IL1RAPL2: variants seen among roughly 807,000 people sequenced by gnomAD.
IL1RAPL2 encodes X-linked interleukin-1 receptor accessory protein-like 2.
Under a neutral mutation model 44.1 loss-of-function variants are expected in IL1RAPL2, and 3 were observed. That is an observed-to-expected ratio of 0.07 (90% CI 0.03 to 0.18). The LOEUF is 0.18. Ranked by LOEUF, IL1RAPL2 falls within the 10% of genes least tolerant of loss-of-function variation. The pLI is 1.00. For missense variants in IL1RAPL2, 391 were observed against 496.4 expected (o/e 0.79, Z 2.02); for synonymous variants, 181 against 178.8 (o/e 1.01, Z -0.10).
At chrX:104,631,690 GT>G in intron 1 of IL1RAPL2, among the ~76,000 whole-genome samples, 1 of 111,705 alleles carries the variant, frequency 9.0e-6, no homozygotes. Context: ...GGGGTTGTTT[GT>G]TTTTTTCTTG....
In IL1RAPL2 at chrX:105,687,325, C is replaced by T. The variant is rs1253602118; in HGVS notation, c.773-30042C>T. 8.3e-5 allele frequency among the ~76,000 whole-genome samples: 9 copies of T among 109,064 alleles called. No homozygotes were observed. In the Admixed American group the frequency reaches 8.8e-4, roughly 11 times the overall value. 94.7% of individuals were successfully genotyped at this position (109,064 alleles called of 115,157 possible). The stretch of plus-strand genomic sequence containing the variant: ...GGAAAGATCAACAAAATTGATAGAC[C>T]GCTAGCAAGACAAATAAAGAAGAAA... On this transcript the variant is annotated intron_variant, in intron 6 of 10. Coordinates refer to ENST00000372582, the MANE Select transcript of IL1RAPL2 (RefSeq NM_017416.2).
At chrX:105,470,842 G>A (rs181775379) in intron 5 of IL1RAPL2, among the ~76,000 whole-genome samples, 2 of 111,625 alleles carry the variant, frequency 1.8e-5, no homozygotes, top group East Asian at 5.7e-4. Context: ...TTTTTGAAGT[G>A]AGTGAGTCTT....
At chrX:105,394,792 C>G (rs1208199626) in intron 5 of IL1RAPL2, among the ~76,000 whole-genome samples, 2 of 111,212 alleles carry the variant, frequency 1.8e-5, no homozygotes, top group Non-Finnish European at 3.8e-5. Flanking sequence ...AAGCTATGCT[C>G]ATTCCTACAT....
intron 6 of IL1RAPL2, among the ~76,000 whole-genome samples, chrX:105,704,172 T>C (rs2038143481): frequency 8.9e-6 from 1 of 112,027 alleles, no homozygotes; most frequent in African/African-American, 3.2e-5. Flanking sequence ...ACAAATTGTA[T>C]GTGCAAGTCT....
At chrX:104,862,792 A>T (rs1456061514) in intron 2 of IL1RAPL2, among the ~76,000 whole-genome samples, 1 of 112,082 alleles carries the variant, frequency 8.9e-6, no homozygotes, top group Non-Finnish European at 1.9e-5. Flanking sequence ...GTGTTCATTT[A>T]CTTAGAGTTT....
chrX:105,350,043 C>T (rs181834864), intron 5 of IL1RAPL2, among the ~76,000 whole-genome samples: 1 of 112,044 alleles, frequency 8.9e-6, no homozygotes, highest in Non-Finnish European at 1.9e-5. Context: ...ACACAATATA[C>T]TTCAATTTTT....
chrX:105,147,313 G>A lies in IL1RAPL2; in HGVS notation c.83-48162G>A, dbSNP rs186389772. ...ATTTACTTCTCAGGGTTAGCTCGGT[G>A]ACTAGAATTTCCCTTGAAGGTACAG... On this transcript the variant is annotated intron_variant, in intron 2 of 10. Coordinates refer to ENST00000372582, the MANE Select transcript of IL1RAPL2 (RefSeq NM_017416.2). 1.1e-4 allele frequency among the ~76,000 whole-genome samples: 12 copies of A among 111,799 alleles called. No homozygotes were observed. The East Asian group carries it at 3.1e-3, about 29-fold the overall frequency.
rs768239569 is a variant in IL1RAPL2, at chrX:104,603,016, G to A, written c.-20+35965G>A. Among the ~76,000 whole-genome samples, 14 of 111,612 alleles carry A rather than the reference G, an allele frequency of 1.3e-4. No individual in the cohort carries two copies. In the South Asian group the frequency reaches 3.8e-3, roughly 30 times the overall value. On this transcript the variant is annotated intron_variant, in intron 1 of 10. Transcript: ENST00000372582. ...ACCTCCTCAAGTGGATCCCTGAACC[G>A]CATGTATCATGACTGGAAGACACCT...
chrX:104,764,015 T>C (rs1303480282), intron 2 of IL1RAPL2, among the ~76,000 whole-genome samples: 2 of 112,008 alleles, frequency 1.8e-5, no homozygotes, highest in African/African-American at 3.2e-5. Context: ...TTTTGTTCTT[T>C]TTGCTTAGAA....
At position 104,847,800 on chromosome X, in the gene IL1RAPL2, C is replaced by G. The variant is rs188912607; in HGVS notation, c.82+188805C>G. On this transcript the variant is annotated intron_variant, in intron 2 of 10. Coordinates refer to ENST00000372582, the MANE Select transcript of IL1RAPL2 (RefSeq NM_017416.2). ...AGCTTGGGCAGTATTGCCATTTTCA[C>G]GATGTTGATTCTTCCTATCCATGAG... 5.4e-5 allele frequency among the ~76,000 whole-genome samples: 6 copies of G among 111,763 alleles called. No homozygotes were observed. In the South Asian group the frequency reaches 1.1e-3, roughly 21 times the overall value.
intron 1 of IL1RAPL2, among the ~76,000 whole-genome samples, chrX:104,649,239 G>C (rs767194576): frequency 9.0e-6 from 1 of 110,957 alleles, no homozygotes; most frequent in Non-Finnish European, 1.9e-5. Flanking sequence ...TAATGGTTAG[G>C]GCTAACAACA....
intron 1 of IL1RAPL2, among the ~76,000 whole-genome samples, chrX:104,576,548 A>G (rs1602627035): frequency 1.8e-5 from 2 of 111,717 alleles, no homozygotes; most frequent in East Asian, 5.6e-4. Context: ...TGGAGGTGGT[A>G]ATTGCAATCT....
At position 105,233,900 on chromosome X, in the gene IL1RAPL2, C is replaced by T. The variant is rs1442587803; in HGVS notation, c.439C>T (p.Arg147Cys). The change falls in exon 4 of 11, where the codon CGC (arginine) becomes TGC (cysteine). Residue 147 changes from arginine (R) to cysteine (C), a missense_variant. Arg to Cys is a radical substitution (Grantham distance 180). This residue lies in a region of IL1RAPL2 where 159 missense variants were observed against 251.7 expected (regional missense o/e 0.63). Transcript: ENST00000372582. ...ESGLCYNSRI[R>C]YLEKSEVTKR... Reference sequence around the variant, plus strand: ...AGGCCTGTGCTACAACAGCAGGATCCGCTATTTAGAAAAATCTGAAGTCAC... The same window carrying T: ...AGGCCTGTGCTACAACAGCAGGATCTGCTATTTAGAAAAATCTGAAGTCAC... 6 of 1,207,948 alleles carry T rather than the reference C, an allele frequency of 5.0e-6. No homozygotes were observed. Among genetic ancestry groups the T allele is most frequent in the Non-Finnish European group, 6.7e-6 (6 of 893,362 alleles).
chrX:104,990,634 G>A (rs1030618772), intron 2 of IL1RAPL2, among the ~76,000 whole-genome samples: 1 of 111,692 alleles, frequency 9.0e-6, no homozygotes, highest in Non-Finnish European at 1.9e-5. Context: ...ATCTTGTAAT[G>A]CTTTTGAAAA....
At chrX:105,452,889 T>C (rs954132095) in intron 5 of IL1RAPL2, among the ~76,000 whole-genome samples, 2 of 112,505 alleles carry the variant, frequency 1.8e-5, no homozygotes, top group Admixed American at 1.9e-4. Flanking sequence ...CCTTTAGCCC[T>C]GCAATGGGCA....
Position 104,617,297 on chromosome X carries a change from A to AT in IL1RAPL2, c.-19-41592dup, listed in dbSNP as rs748556880. ...TGTCTCTTCTCTAGCCATCTTTAAGATTTTTTCTTTAGCATTGACTTTGGA... is the reference window on the plus strand; with the variant it reads ...TGTCTCTTCTCTAGCCATCTTTAAGATTTTTTTCTTTAGCATTGACTTTGGA... On this transcript the variant is annotated intron_variant, in intron 1 of 10. Transcript: ENST00000372582. Among the ~76,000 whole-genome samples the AT allele has an allele frequency of 3.7e-4, 41 of 111,191 alleles. No individual in the cohort carries two copies. The Middle Eastern group carries it at 0.019, about 51-fold the overall frequency.
rs748192616 is a variant in IL1RAPL2 at position 104,666,455 on chromosome X, T to C, written c.82+7460T>C. ...ACAGAAGTCACCGAGCTTGGTATCA[T>C]GTTGGATTTGTTACTGTCCATAAGG... On this transcript the variant is annotated intron_variant, in intron 2 of 10. Transcript: ENST00000372582. Among the ~76,000 whole-genome samples the C allele has an allele frequency of 3.6e-5, 4 of 111,895 alleles. No homozygotes were observed. The Admixed American group carries it at 3.8e-4, about 11-fold the overall frequency.
At chrX:104,659,039 G>A (rs1417574851) in intron 2 of IL1RAPL2, 44 bp downstream of exon 2, 2 of 963,609 alleles carry the variant, frequency 2.1e-6, no homozygotes, top group East Asian at 6.2e-5. Flanking sequence ...AAAATGTACA[G>A]TTTTGTGAGC....
chrX:104,656,808 C>G (rs1234085069), intron 1 of IL1RAPL2, among the ~76,000 whole-genome samples: 4 of 111,389 alleles, frequency 3.6e-5, no homozygotes, highest in African/African-American at 1.3e-4. Flanking sequence ...GCATGGCAGT[C>G]TACGTCTCTT....
Sources: allele counts gnomAD v4.1 joint callset (sites outside exome capture counted in the v4.1 genomes callset), GRCh38; gene constraint gnomAD v4.1.1; regional missense constraint gnomAD v4.1.1; transcripts MANE v1.5; gene names NCBI Gene and HGNC (gene_info 2026-07-23, HGNC 2026-07-21).